Variants in PPARGC1A observed in about 807,000 individuals in gnomAD.
The protein encoded by PPARGC1A is PPARG coactivator 1 alpha, also known as peroxisome proliferator-activated receptor gamma coactivator 1-alpha.
PPARGC1A carries 25 observed loss-of-function variants against 88.7 expected under a neutral mutation model. The observed-to-expected ratio is 0.28, with a 90% confidence interval of 0.21 to 0.39. PPARGC1A has a LOEUF of 0.39. Ranked by LOEUF, PPARGC1A falls within the 10% of genes least tolerant of loss-of-function variation. The probability of loss-of-function intolerance (pLI) is 1.00; values close to 1 mark genes in which losing one functional copy is unlikely to be tolerated. For synonymous variants in PPARGC1A, 363 were observed against 355.6 expected, an observed-to-expected ratio of 1.02 and a Z score of -0.24; for missense variants, 880 against 968.7, an observed-to-expected ratio of 0.91 and a Z score of 1.22.
chr4:24,099,436 T>C, the PPARGC1A span, among the ~76,000 whole-genome samples: 3 of 152,116 alleles, frequency 2.0e-5, no homozygotes, highest in African/African-American at 7.2e-5. Flanking sequence ...GACATTGTGT[T>C]ACAAGTTATT....
chr4:24,092,209 T>C, the PPARGC1A span, among the ~76,000 whole-genome samples: 201 of 152,188 alleles, frequency 1.3e-3, no homozygotes, highest in African/African-American at 4.5e-3. Flanking sequence ...CATAAGATGT[T>C]CTGCAGGCAG....
At chr4:24,123,299 C>G in the PPARGC1A span, among the ~76,000 whole-genome samples, 1 of 152,164 alleles carries the variant, frequency 6.6e-6, no homozygotes, top group African/African-American at 2.4e-5. Flanking sequence ...GATCTTGCAG[C>G]AAGATCCCTG....
the PPARGC1A span, among the ~76,000 whole-genome samples, chr4:24,347,813 G>C: frequency 2.6e-5 from 4 of 152,128 alleles, no homozygotes; most frequent in African/African-American, 9.6e-5. Context: ...TGTTGCTTCT[G>C]TGCTTCGGTT....
intron 2 of PPARGC1A, chr4:23,875,847 A>C (rs1317164355): frequency 6.6e-6 from 1 of 152,198 alleles, no homozygotes; most frequent in Non-Finnish European, 1.5e-5. Context: ...ATTTATTGCT[A>C]TGCTGCCCAC....
the PPARGC1A span, among the ~76,000 whole-genome samples, chr4:24,046,514 T>C: frequency 5.3e-5 from 8 of 152,102 alleles, no homozygotes; most frequent in Non-Finnish European, 1.2e-4. Flanking sequence ...ATCCTTCTTC[T>C]ACCAGACTGA....
chr4:24,289,192 C>T, the PPARGC1A span, among the ~76,000 whole-genome samples: 1 of 134,318 alleles, frequency 7.4e-6, no homozygotes, highest in African/African-American at 3.0e-5. Flanking sequence ...TGCACTCCAG[C>T]CTGGGTGACA....
chr4:24,011,160 A>G, the PPARGC1A span, among the ~76,000 whole-genome samples: 1 of 152,186 alleles, frequency 6.6e-6, no homozygotes, highest in Non-Finnish European at 1.5e-5. Context: ...TAAATGCAAA[A>G]TAAGTCATCT....
the PPARGC1A span, among the ~76,000 whole-genome samples, chr4:24,157,921 C>T: frequency 1.3e-5 from 2 of 151,892 alleles, no homozygotes; most frequent in Non-Finnish European, 2.9e-5. Context: ...TATCACTTTT[C>T]AATTTAAAAA....
chr4:24,334,060 G>A, the PPARGC1A span, among the ~76,000 whole-genome samples: 2 of 148,616 alleles, frequency 1.3e-5, no homozygotes, highest in African/African-American at 5.0e-5. Context: ...TTAAAACACA[G>A]ACTGTTGCAT....
the PPARGC1A span, among the ~76,000 whole-genome samples, chr4:23,917,286 TCA>T: frequency 6.6e-6 from 1 of 152,180 alleles, no homozygotes; most frequent in Non-Finnish European, 1.5e-5. Flanking sequence ...GTGGCAGATT[TCA>T]CAGTTATATT....
the PPARGC1A span, among the ~76,000 whole-genome samples, chr4:24,008,575 G>A: frequency 6.6e-6 from 1 of 152,118 alleles, no homozygotes; most frequent in Non-Finnish European, 1.5e-5. Flanking sequence ...AGTTTACAAA[G>A]CTAAACGCCA....
the PPARGC1A span, among the ~76,000 whole-genome samples, chr4:24,210,880 G>T: frequency 6.6e-6 from 1 of 152,222 alleles, no homozygotes; most frequent in Non-Finnish European, 1.5e-5. Context: ...CCTAGGAGAT[G>T]CAGGGAGCTC....
At chr4:24,028,586 A>G in the PPARGC1A span, among the ~76,000 whole-genome samples, 2 of 152,182 alleles carry the variant, frequency 1.3e-5, no homozygotes, top group African/African-American at 2.4e-5. Context: ...GAATACAAAG[A>G]GGTTAACAGG....
chr4:24,005,648 C>T, the PPARGC1A span, among the ~76,000 whole-genome samples: 3 of 152,058 alleles, frequency 2.0e-5, no homozygotes, highest in South Asian at 2.1e-4. Flanking sequence ...AGGAGCTACA[C>T]CAAGGCCAAC....
the PPARGC1A span, among the ~76,000 whole-genome samples, chr4:24,306,057 G>A: frequency 6.6e-6 from 1 of 152,132 alleles, no homozygotes; most frequent in Non-Finnish European, 1.5e-5. Context: ...CAGTATCTAT[G>A]AGTTACGAGA....
At chr4:23,957,975 A>T in the PPARGC1A span, among the ~76,000 whole-genome samples, 16 of 152,102 alleles carry the variant, frequency 1.1e-4, no homozygotes, top group Non-Finnish European at 1.8e-4. Flanking sequence ...GTAGTTTTGC[A>T]GTCGATCTAC....
chr4:24,337,709 A>T, the PPARGC1A span, among the ~76,000 whole-genome samples: 1 of 144,844 alleles, frequency 6.9e-6, no homozygotes, highest in Non-Finnish European at 1.5e-5. Flanking sequence ...AAAAAAAAAA[A>T]TGAGGTTGAG....
At chr4:24,009,150 A>AAAAAAAAAAAAG in the PPARGC1A span, among the ~76,000 whole-genome samples, 3,019 of 79,856 alleles carry the variant, frequency 0.038, 435 homozygotes, top group African/African-American at 0.17. Flanking sequence ...AAAAAAAAAA[A>AAAAAAAAAAAAG]AGAGAGAGAA....
the PPARGC1A span, chr4:24,091,393 G>T: frequency 1.1e-6 from 1 of 936,436 alleles, no homozygotes; most frequent in Non-Finnish European, 1.3e-6. Flanking sequence ...ATTGATGTAC[G>T]CATATTACCT....
Sources: gnomAD v4.1 joint callset for allele counts (sites outside exome capture counted in the v4.1 genomes callset) on GRCh38, gnomAD v4.1.1 for gene constraint, MANE v1.5 for transcripts, NCBI Gene and HGNC (gene_info 2026-07-23, HGNC 2026-07-21) for gene names.